The following SLC39A11 variants were observed in gnomAD, a reference collection of about 807,000 sequenced individuals.
SLC39A11 encodes zinc transporter ZIP11.
In SLC39A11, 33 loss-of-function variants were observed where a neutral mutation model predicts 36.1. That is an observed-to-expected ratio of 0.91 (90% CI 0.69 to 1.22). The LOEUF is 1.22. Among genes scored for constraint, SLC39A11 ranks in the 50% most tolerant of loss-of-function variants. SLC39A11 has a pLI of 0.00. For synonymous variants in SLC39A11, 166 were observed against 170.3 expected (o/e 0.97, Z 0.20); for missense variants, 432 against 430.3 (o/e 1.00, Z -0.03).
chr17:72,685,639 C>G (rs2071712128), intron 7 of SLC39A11, among the ~76,000 whole-genome samples: 1 of 152,192 alleles, frequency 6.6e-6, no homozygotes, highest in East Asian at 1.9e-4. Context: ...GCTTTCCATG[C>G]AACACACAGA....
intron 7 of SLC39A11, among the ~76,000 whole-genome samples, chr17:72,698,976 G>A (rs866113994): frequency 7.9e-5 from 12 of 152,152 alleles, no homozygotes; most frequent in South Asian, 2.1e-4. Context: ...GACTACAGGC[G>A]CCCGCCACCA....
intron 4 of SLC39A11, 120 bp downstream of exon 4, chr17:73,031,436 A>T: frequency 9.0e-7 from 1 of 1,105,776 alleles, no homozygotes; most frequent in Non-Finnish European, 1.3e-6. Context: ...TTCTCTGTTT[A>T]AATACCACTG....
At chr17:72,779,023 A>T (rs1297044682) in intron 6 of SLC39A11, among the ~76,000 whole-genome samples, 1 of 152,164 alleles carries the variant, frequency 6.6e-6, no homozygotes, top group Non-Finnish European at 1.5e-5. Flanking sequence ...TCCTGCCCTG[A>T]TCCTGCCGAA....
intron 7 of SLC39A11, among the ~76,000 whole-genome samples, chr17:72,701,727 CAA>C (rs57220008): frequency 0.37 from 32,613 of 88,030 alleles, 3,190 homozygotes; most frequent in Admixed American, 0.51. Context: ...GATTCTGTCT[CAA>C]AAAAAAAAAA....
intron 4 of SLC39A11, among the ~76,000 whole-genome samples, chr17:73,014,295 C>T (rs2090690154): frequency 6.6e-6 from 1 of 152,146 alleles, no homozygotes; most frequent in African/African-American, 2.4e-5. Flanking sequence ...ACATTCAGTT[C>T]TCACTCCCTA....
chr17:72,658,183 G>A (rs892811101), intron 7 of SLC39A11, among the ~76,000 whole-genome samples: 2 of 150,978 alleles, frequency 1.3e-5, no homozygotes, highest in Non-Finnish European at 2.9e-5. Context: ...GAGGGGGGCT[G>A]GGCCCACAAG....
chr17:72,784,306 C>T (rs758708334), intron 6 of SLC39A11, among the ~76,000 whole-genome samples: 1 of 152,000 alleles, frequency 6.6e-6, no homozygotes, highest in East Asian at 1.9e-4. Context: ...GATGGCACCA[C>T]GATACGCCAG....
chr17:72,953,558 G>GC (rs1421320760), intron 4 of SLC39A11, among the ~76,000 whole-genome samples: 1 of 152,118 alleles, frequency 6.6e-6, no homozygotes, highest in East Asian at 1.9e-4. Context: ...TGTCTCCAGA[G>GC]CCCCCCAAAA....
intron 4 of SLC39A11, among the ~76,000 whole-genome samples, chr17:73,009,146 A>G (rs182362204): frequency 2.0e-5 from 3 of 151,940 alleles, no homozygotes; most frequent in South Asian, 2.1e-4. Context: ...GGCGGATCAC[A>G]AGGTCAGGAG....
intron 7 of SLC39A11, 84 bp downstream of exon 7, chr17:72,736,566 C>G: frequency 1.7e-6 from 2 of 1,209,600 alleles, no homozygotes; most frequent in South Asian, 2.4e-5. Flanking sequence ...CAATAATGCA[C>G]AGACAGCCCA....
At chr17:73,021,848 C>T (rs774170367) in intron 4 of SLC39A11, among the ~76,000 whole-genome samples, 1 of 152,240 alleles carries the variant, frequency 6.6e-6, no homozygotes, top group Non-Finnish European at 1.5e-5. Context: ...TCCAACCAAG[C>T]CTATCTGCAC....
At chr17:72,852,777 T>C (rs1253759464) in intron 5 of SLC39A11, among the ~76,000 whole-genome samples, 3 of 152,134 alleles carry the variant, frequency 2.0e-5, no homozygotes, top group Non-Finnish European at 2.9e-5. Flanking sequence ...GAAACTGAAC[T>C]AAACATCTGG....
chr17:72,732,022 A>AC (rs1434004914), intron 7 of SLC39A11, among the ~76,000 whole-genome samples: 4 of 40,594 alleles, frequency 9.9e-5, no homozygotes, highest in African/African-American at 1.6e-4. Flanking sequence ...TCTTTTCTTT[A>AC]TTTTTTTCTT....
chr17:72,819,253 T>C (rs1325849074), intron 6 of SLC39A11, among the ~76,000 whole-genome samples: 1 of 151,030 alleles, frequency 6.6e-6, no homozygotes. Flanking sequence ...GAATCGGACA[T>C]ACATAAAGAG....
chr17:72,888,428 T>A (rs540713906), intron 5 of SLC39A11, among the ~76,000 whole-genome samples: 3 of 152,126 alleles, frequency 2.0e-5, no homozygotes, highest in African/African-American at 7.2e-5. Flanking sequence ...TCCCAACAGA[T>A]GGGGTTAGTG....
At chr17:72,743,213 C>G (rs547786224) in intron 6 of SLC39A11, among the ~76,000 whole-genome samples, 1 of 151,784 alleles carries the variant, frequency 6.6e-6, no homozygotes, top group Admixed American at 6.6e-5. Flanking sequence ...AGAGCTGGGC[C>G]GTAAACCGCA....
rs564571883 is a variant in SLC39A11 at position 72,955,646 on chromosome 17, G to A, written c.307-7771C>T. 2.6e-5 allele frequency among the ~76,000 whole-genome samples: 4 copies of A among 152,064 alleles called. No individual in the cohort carries two copies. In the East Asian group the frequency reaches 7.7e-4, roughly 29 times the overall value. ...TTCTTAAGCATCTCAAAGCCATGAGGCTCAAAATGGCAGCTGTGTCTCGCG... is the reference window on the plus strand; with the variant it reads ...TTCTTAAGCATCTCAAAGCCATGAGACTCAAAATGGCAGCTGTGTCTCGCG... On this transcript the variant is annotated intron_variant, in intron 4 of 9. Transcript: ENST00000255559.
At chr17:72,942,839 T>A (rs1341973559) in intron 5 of SLC39A11, among the ~76,000 whole-genome samples, 1 of 152,142 alleles carries the variant, frequency 6.6e-6, no homozygotes, top group Non-Finnish European at 1.5e-5. Context: ...CCACACATTA[T>A]GTCTAAAAAA....
chr17:72,919,833 C>T (rs1166186930), intron 5 of SLC39A11, among the ~76,000 whole-genome samples: 1 of 152,150 alleles, frequency 6.6e-6, no homozygotes, highest in Non-Finnish European at 1.5e-5. Context: ...AACCCCAGTG[C>T]CCTGCTAGGA....
Sources: allele counts gnomAD v4.1 joint callset (sites outside exome capture counted in the v4.1 genomes callset), GRCh38; gene constraint gnomAD v4.1.1; transcripts MANE v1.5; gene names NCBI Gene and HGNC (gene_info 2026-07-23, HGNC 2026-07-21).